STXBP5L: variants seen among roughly 807,000 people sequenced by gnomAD.
The protein encoded by STXBP5L is syntaxin-binding protein 5-like.
STXBP5L carries 65 observed loss-of-function variants against 144.5 expected under a neutral mutation model. The observed-to-expected ratio is 0.45, with a 90% CI of 0.37 to 0.55. The LOEUF is 0.55. Among genes scored for constraint, STXBP5L ranks in the 20% least tolerant of loss-of-function variants. The probability of loss-of-function intolerance (pLI) is 0.00; values close to 1 mark genes in which losing one functional copy is unlikely to be tolerated. For synonymous variants in STXBP5L, 505 were observed against 469.6 expected (o/e 1.08, Z -0.97); for missense variants, 1,298 against 1,405.5 (o/e 0.92, Z 1.22).
At chr3:121,365,862 C>A (rs141036038) in intron 20 of STXBP5L, among the ~76,000 whole-genome samples, 9 of 150,690 alleles carry the variant, frequency 6.0e-5, no homozygotes, top group Non-Finnish European at 1.2e-4. Flanking sequence ...TAGGTTGTTG[C>A]CTTGAGATTT....
At chr3:121,136,408 A>G (rs915400215) in intron 7 of STXBP5L, among the ~76,000 whole-genome samples, 1 of 152,202 alleles carries the variant, frequency 6.6e-6, no homozygotes, top group Non-Finnish European at 1.5e-5. Context: ...AAGCAGACTC[A>G]GAACTCAACC....
intron 3 of STXBP5L, among the ~76,000 whole-genome samples, chr3:121,037,258 C>CT (rs371005089): frequency 0.039 from 5,527 of 142,254 alleles, 144 homozygotes; most frequent in Middle Eastern, 0.087. Flanking sequence ...TTTTTCTTTT[C>CT]TTTTTTTTTT....
chr3:121,257,017 A>G (rs2050227319), intron 16 of STXBP5L, 144 bp from the exon 17 acceptor site: 1 of 580,038 alleles, frequency 1.7e-6, no homozygotes. Context: ...ATAGTATTGA[A>G]CTTATTAATT....
intron 5 of STXBP5L, among the ~76,000 whole-genome samples, chr3:121,055,622 C>T (rs896935663): frequency 6.6e-6 from 1 of 151,654 alleles, no homozygotes; most frequent in South Asian, 2.1e-4. Flanking sequence ...GCAATCCTCC[C>T]GCCTCAGCCT....
chr3:120,956,958 G>A (rs1164383605), intron 3 of STXBP5L, among the ~76,000 whole-genome samples: 1 of 151,754 alleles, frequency 6.6e-6, no homozygotes, highest in Non-Finnish European at 1.5e-5. Context: ...ATAGTTTTAG[G>A]TTTTACATTT....
chr3:121,004,076 A>G (rs1219260754), intron 3 of STXBP5L, among the ~76,000 whole-genome samples: 3 of 152,086 alleles, frequency 2.0e-5, no homozygotes, highest in East Asian at 3.9e-4. Context: ...GTTTTTTCCA[A>G]TTCTGTGAAG....
intron 9 of STXBP5L, 72 bp from the exon 10 acceptor site, chr3:121,205,851 T>C (rs1284534958): frequency 2.7e-6 from 2 of 736,764 alleles, no homozygotes; most frequent in Non-Finnish European, 4.2e-6. Context: ...TAAATTCCCT[T>C]AGTCAAATTT....
chr3:120,984,756 C>A (rs922743591), intron 3 of STXBP5L, among the ~76,000 whole-genome samples: 28 of 143,974 alleles, frequency 1.9e-4, no homozygotes, highest in African/African-American at 7.2e-4. Flanking sequence ...GAAGAGTTTT[C>A]AGTCTTTCAC....
chr3:121,167,597 CA>C (rs897387280), intron 9 of STXBP5L, among the ~76,000 whole-genome samples: 6 of 152,148 alleles, frequency 3.9e-5, no homozygotes, highest in Admixed American at 3.3e-4. Context: ...CTTAACTCAG[CA>C]AAACATCTGT....
intron 20 of STXBP5L, among the ~76,000 whole-genome samples, chr3:121,320,102 T>C (rs1291562365): frequency 6.6e-6 from 1 of 152,250 alleles, no homozygotes; most frequent in African/African-American, 2.4e-5. Flanking sequence ...ACTGGATCTA[T>C]AGATCAACTG....
At chr3:120,994,122 T>G (rs1172152320) in intron 3 of STXBP5L, among the ~76,000 whole-genome samples, 1 of 152,120 alleles carries the variant, frequency 6.6e-6, no homozygotes, top group African/African-American at 2.4e-5. Context: ...ATGCTACTGA[T>G]TTTTGTGTGC....
At chr3:120,916,894 C>G (rs1709129563) in intron 2 of STXBP5L, among the ~76,000 whole-genome samples, 1 of 152,088 alleles carries the variant, frequency 6.6e-6, no homozygotes, top group Admixed American at 6.5e-5. Context: ...TATAAATTGA[C>G]TAAAAACTTG....
rs576569584 is a variant in STXBP5L, at chr3:121,204,041, C to A, written c.878-1882C>A. 2.0e-5 allele frequency among the ~76,000 whole-genome samples: 3 copies of A among 152,216 alleles called. No homozygotes were observed. In the South Asian group the frequency reaches 6.2e-4, roughly 32 times the overall value. The stretch of plus-strand genomic sequence containing the variant: ...GATCACGAGGTCAGGAGATTGAGAC[C>A]ATCCTGGCTAACACGGTGAAATTCT... On this transcript the variant is annotated intron_variant, in intron 9 of 26. Coordinates refer to ENST00000471454, the MANE Select transcript of STXBP5L (RefSeq NM_001308330.2).
chr3:121,006,620 T>C (rs544795638), intron 3 of STXBP5L, among the ~76,000 whole-genome samples: 1 of 152,350 alleles, frequency 6.6e-6, no homozygotes, highest in East Asian at 1.9e-4. Flanking sequence ...TTTTGCTTGT[T>C]AGTTGATACA....
At chr3:121,365,830 C>A (rs1023918120) in intron 20 of STXBP5L, among the ~76,000 whole-genome samples, 1 of 150,622 alleles carries the variant, frequency 6.6e-6, no homozygotes, top group African/African-American at 2.4e-5. Flanking sequence ...TTTTCTTTTT[C>A]TGCTTTCTTG....
At chr3:121,169,717 A>G (rs763963813) in intron 9 of STXBP5L, among the ~76,000 whole-genome samples, 2 of 152,202 alleles carry the variant, frequency 1.3e-5, no homozygotes, top group African/African-American at 4.8e-5. Context: ...GAGACCTACA[A>G]TAAGACTTAG....
At chr3:121,120,279 TC>T (rs1329491358) in intron 6 of STXBP5L, among the ~76,000 whole-genome samples, 3 of 151,260 alleles carry the variant, frequency 2.0e-5, no homozygotes, top group Admixed American at 2.0e-4. Context: ...TTAAACCTTA[TC>T]AGAGGCATTT....
At chr3:121,053,414 A>T (rs1013532161) in intron 5 of STXBP5L, among the ~76,000 whole-genome samples, 3 of 152,198 alleles carry the variant, frequency 2.0e-5, no homozygotes, top group African/African-American at 7.2e-5. Flanking sequence ...ATGGAACAGA[A>T]CAGAGCCCTC....
chr3:121,088,148 A>G (rs1348884832), intron 5 of STXBP5L, among the ~76,000 whole-genome samples: 1 of 150,794 alleles, frequency 6.6e-6, no homozygotes, highest in East Asian at 1.9e-4. Context: ...ATCAGAGTGA[A>G]CAGGCAAACT....
Sources: gnomAD v4.1 joint callset for allele counts (sites outside exome capture counted in the v4.1 genomes callset) on GRCh38, gnomAD v4.1.1 for gene constraint, MANE v1.5 for transcripts, NCBI Gene and HGNC (gene_info 2026-07-23, HGNC 2026-07-21) for gene names.